ANTXR2: variants seen among roughly 807,000 people sequenced by gnomAD.
ANTXR2 encodes the protein ANTXR cell adhesion molecule 2.
ANTXR2 carries 44 observed loss-of-function variants against 73.7 expected under a neutral mutation model. The observed-to-expected ratio is 0.60, with a 90% CI of 0.47 to 0.77. The LOEUF is 0.77. Ranked by LOEUF, ANTXR2 falls within the 30% of genes least tolerant of loss-of-function variation. The pLI, the probability that ANTXR2 is intolerant of heterozygous loss-of-function variation, is 0.00. For missense variants in ANTXR2, 604 were observed against 592.5 expected, an observed-to-expected ratio of 1.02 and a Z score of -0.20; for synonymous variants, 217 against 205.9, an observed-to-expected ratio of 1.05 and a Z score of -0.46.
At chr4:80,050,549 TG>T (rs1319066496) in intron 7 of ANTXR2, among the ~76,000 whole-genome samples, 1 of 151,642 alleles carries the variant, frequency 6.6e-6, no homozygotes, top group Non-Finnish European at 1.5e-5. Flanking sequence ...CATTCTCAAT[TG>T]TTATCTCATT....
intron 3 of ANTXR2, among the ~76,000 whole-genome samples, chr4:80,059,227 A>G (rs1008353941): frequency 6.6e-6 from 1 of 152,102 alleles, no homozygotes. Flanking sequence ...AAAATGTTAT[A>G]TTAAAGCCCT....
intron 10 of ANTXR2, chr4:80,024,498 T>C (rs7655817): frequency 0.67 from 163,786 of 246,216 alleles, 55,538 homozygotes; most frequent in East Asian, 0.95. Context: ...CTGTGGCTCA[T>C]GCCTGTAATC....
At chr4:80,047,129 A>C (rs1398847877) in intron 7 of ANTXR2, among the ~76,000 whole-genome samples, 1 of 151,778 alleles carries the variant, frequency 6.6e-6, no homozygotes, top group Non-Finnish European at 1.5e-5. Flanking sequence ...GTTTTCTCAC[A>C]AACTATCACA....
At chr4:79,979,692 T>C (rs56193116) in intron 14 of ANTXR2, among the ~76,000 whole-genome samples, 10,377 of 152,248 alleles carry the variant, frequency 0.068, 442 homozygotes, top group Middle Eastern at 0.11. Flanking sequence ...TAGAGCTAGA[T>C]AGTTGGCTTT....
At chr4:80,042,556 G>A (rs1733317726) in intron 7 of ANTXR2, among the ~76,000 whole-genome samples, 1 of 151,852 alleles carries the variant, frequency 6.6e-6, no homozygotes, top group Non-Finnish European at 1.5e-5. Flanking sequence ...TTCTAAATAT[G>A]CTCTCTATAT....
chr4:79,918,546 TG>T (rs1727444997), intron 16 of ANTXR2, among the ~76,000 whole-genome samples: 1 of 152,102 alleles, frequency 6.6e-6, no homozygotes, highest in Non-Finnish European at 1.5e-5. Flanking sequence ...CACGAGGCTA[TG>T]GAACACTCTA....
At chr4:80,049,581 C>G (rs1424225453) in intron 7 of ANTXR2, among the ~76,000 whole-genome samples, 5 of 151,820 alleles carry the variant, frequency 3.3e-5, no homozygotes, top group Non-Finnish European at 5.9e-5. Flanking sequence ...AGGATATCCC[C>G]CACTGGGCTT....
chr4:80,004,337 G>A (rs566243630), intron 12 of ANTXR2, among the ~76,000 whole-genome samples: 1 of 152,144 alleles, frequency 6.6e-6, no homozygotes, highest in East Asian at 1.9e-4. Context: ...AAATTCAGGA[G>A]ATAATATAGG....
At chr4:80,048,251 T>A (rs1440773838) in intron 7 of ANTXR2, among the ~76,000 whole-genome samples, 2 of 145,966 alleles carry the variant, frequency 1.4e-5, no homozygotes, top group South Asian at 4.3e-4. Flanking sequence ...TACCCAACAC[T>A]AGATTAAGCA....
Position 79,996,318 on chromosome 4 carries a change from TATGGATGG to T in ANTXR2, c.1042-11463_1042-11456del, listed in dbSNP as rs141810972. 6.0e-5 allele frequency among the ~76,000 whole-genome samples: 9 copies of T among 148,872 alleles called. No individual in the cohort carries two copies. The East Asian group carries it at 8.1e-4, about 13-fold the overall frequency. ...GGATGGGTAGATGGACGGATGGATA[TATGGATGG>T]ATGGATGGATGGATGGATGGATGGA... On this transcript the variant is annotated intron_variant, in intron 12 of 16. Coordinates refer to ENST00000403729, the MANE Select transcript of ANTXR2 (RefSeq NM_058172.6).
At chr4:80,024,488 C>A in intron 10 of ANTXR2, 1 of 243,372 alleles carries the variant, frequency 4.1e-6, no homozygotes. Flanking sequence ...GCACTGGACA[C>A]TGTGGCTCAT....
At chr4:80,019,308 A>C (rs1732042995) in intron 10 of ANTXR2, among the ~76,000 whole-genome samples, 1 of 152,194 alleles carries the variant, frequency 6.6e-6, no homozygotes, top group East Asian at 1.9e-4. Flanking sequence ...CGGAGGTTGC[A>C]GTGAGCCAAG....
chr4:80,055,809 A>C lies in ANTXR2; in HGVS notation c.378+123T>G, dbSNP rs533006119. The C allele has an allele frequency of 4.1e-6, 3 of 738,888 alleles. No individual in the cohort carries two copies. In the South Asian group the frequency reaches 6.2e-5, roughly 15 times the overall value. 45.8% of individuals were successfully genotyped at this position (738,888 alleles called of 1,614,324 possible). A position where few individuals can be genotyped will look rare whatever the true frequency, so the allele number is the denominator to read the frequency against. On this transcript the variant is annotated intron_variant, in intron 4 of 16. Coordinates refer to ENST00000403729, the MANE Select transcript of ANTXR2 (RefSeq NM_058172.6). ...ACTTGTCTCAACTCTGGAACAACTA[A>C]AAGCACTTTAAAAACTTTAAGATAA...
rs947554378 is a variant in ANTXR2 at position 80,015,132 on chromosome 4, C to T, written c.945+3766G>A. 2.0e-5 allele frequency among the ~76,000 whole-genome samples: 3 copies of T among 152,100 alleles called. No homozygotes were observed. In the South Asian group the frequency reaches 6.2e-4, roughly 32 times the overall value. On this transcript the variant is annotated intron_variant, in intron 11 of 16. Coordinates refer to ENST00000403729, the MANE Select transcript of ANTXR2 (RefSeq NM_058172.6). Reference sequence around the variant, plus strand: ...AAAGCAAAACTTAAATTTTTACTTCCAGCCCTGATCACTCACGAGATGTGA... The same window carrying T: ...AAAGCAAAACTTAAATTTTTACTTCTAGCCCTGATCACTCACGAGATGTGA...
rs747788193 is a variant in ANTXR2 at position 79,978,098 on chromosome 4, G to T, written c.1256C>A (p.Pro419His). 1 of 1,613,854 alleles carries T rather than the reference G, an allele frequency of 6.2e-7. No homozygotes were observed. Among genetic ancestry groups the T allele is most frequent in the Non-Finnish European group, 8.5e-7 (1 of 1,179,846 alleles). Residue 419 changes from proline (P) to histidine (H), a missense_variant, in exon 15 of 17, where the codon CCT becomes CAT. Pro to His is a moderately conservative substitution (Grantham distance 77, BLOSUM62 -2). Coordinates refer to ENST00000403729, the MANE Select transcript of ANTXR2 (RefSeq NM_058172.6). ...CCTGATGGGTTCCTCTGTTTCTTCA[G>T]GAATCTTCACCACAGCATTTTTGGC... is the stretch of plus-strand genomic sequence containing the variant. ...EKAKNAVVKIPEETEEPIRPR... is the reference protein window; with the variant it reads ...EKAKNAVVKIHEETEEPIRPR...
At chr4:79,935,448 T>C (rs548183900) in intron 16 of ANTXR2, among the ~76,000 whole-genome samples, 2 of 151,444 alleles carry the variant, frequency 1.3e-5, no homozygotes, top group Admixed American at 1.3e-4. Flanking sequence ...TGACAAAGAG[T>C]TGGGGCCAGA....
chr4:79,924,292 A>C (rs763713966), intron 16 of ANTXR2, among the ~76,000 whole-genome samples: 1 of 152,150 alleles, frequency 6.6e-6, no homozygotes, highest in Non-Finnish European at 1.5e-5. Context: ...CAACAAGTAA[A>C]GATTTGGAAA....
intron 16 of ANTXR2, among the ~76,000 whole-genome samples, chr4:79,948,865 T>A (rs1274360067): frequency 6.6e-6 from 1 of 152,104 alleles, no homozygotes; most frequent in Non-Finnish European, 1.5e-5. Context: ...TAAAGCAAAG[T>A]CTTTAATGTA....
intron 16 of ANTXR2, among the ~76,000 whole-genome samples, chr4:79,976,907 C>G (rs769165995): frequency 4.6e-5 from 7 of 152,206 alleles, no homozygotes; most frequent in African/African-American, 7.2e-5. Flanking sequence ...TGTCTCTGAA[C>G]CAAACCTATC....
Sources: allele counts gnomAD v4.1 joint callset (sites outside exome capture counted in the v4.1 genomes callset), GRCh38; gene constraint gnomAD v4.1.1; transcripts MANE v1.5; gene names NCBI Gene and HGNC (gene_info 2026-07-23, HGNC 2026-07-21).